Variants in LRRC28 observed in about 807,000 individuals in gnomAD.
LRRC28 encodes leucine-rich repeat-containing protein 28.
Under a neutral mutation model 45.7 loss-of-function variants are expected in LRRC28, and 39 were observed. That is an observed-to-expected ratio of 0.85 (90% CI 0.66 to 1.12). LRRC28 has a LOEUF of 1.12. Ranked by LOEUF, LRRC28 falls within the 50% of genes most tolerant of loss-of-function variation. The pLI is 0.00. For synonymous variants in LRRC28, 206 were observed against 178.8 expected, an observed-to-expected ratio of 1.15 and a Z score of -1.22; for missense variants, 435 against 438.5, an observed-to-expected ratio of 0.99 and a Z score of 0.07.
rs537643362 is a variant in LRRC28, at chr15:99,388,800, G to C, written c.*2698G>C. 3.3e-5 allele frequency: 5 copies of C among 152,286 alleles called. No homozygotes were observed. In the South Asian group the frequency reaches 1.0e-3, roughly 32 times the overall value. 9.4% of individuals were successfully genotyped at this position (152,286 alleles called of 1,614,324 possible). On this transcript the variant is annotated 3_prime_UTR_variant, in exon 10 of 10. Transcript: ENST00000301981. ...ACTTGGAAAGTATCATCTCTGTTCA[G>C]GTAAGTTTACTTCAGTGAACTCTTG...
chr15:99,312,242 C>T (rs1218570205), intron 5 of LRRC28, among the ~76,000 whole-genome samples: 1 of 152,158 alleles, frequency 6.6e-6, no homozygotes, highest in Non-Finnish European at 1.5e-5. Context: ...TAACTTATTG[C>T]TCCTAGGCTA....
chr15:99,309,699 G>A (rs565781038), intron 5 of LRRC28, among the ~76,000 whole-genome samples: 22 of 152,272 alleles, frequency 1.4e-4, no homozygotes, highest in African/African-American at 3.9e-4. Context: ...GAACCACCAC[G>A]CCCACTGGGA....
chr15:99,251,723 C>T (rs1279977350), intron 1 of LRRC28, 182 bp downstream of exon 1: 1 of 152,230 alleles, frequency 6.6e-6, no homozygotes, highest in African/African-American at 2.4e-5. Flanking sequence ...CTCTGCGGCC[C>T]GCGGCCCCTG....
At chr15:99,253,570 G>C (rs987435703) in intron 1 of LRRC28, among the ~76,000 whole-genome samples, 1 of 152,240 alleles carries the variant, frequency 6.6e-6, no homozygotes, top group Non-Finnish European at 1.5e-5. Context: ...AGAGTTGCTG[G>C]AGAAGTGGGT....
At chr15:99,345,702 A>T (rs979510641) in intron 6 of LRRC28, among the ~76,000 whole-genome samples, 3 of 152,228 alleles carry the variant, frequency 2.0e-5, no homozygotes, top group African/African-American at 7.2e-5. Context: ...ATGTCCATGC[A>T]TGTTTACTTA....
chr15:99,259,919 GAAGACAAAGAGC>G, intron 2 of LRRC28: 1 of 701,636 alleles, frequency 1.4e-6, no homozygotes. Context: ...GGAGACAGCA[GAAGACAAAGAGC>G]AAGACAAAGA....
intron 5 of LRRC28, among the ~76,000 whole-genome samples, chr15:99,323,869 T>G (rs1451951504): frequency 6.6e-6 from 1 of 152,190 alleles, no homozygotes; most frequent in African/African-American, 2.4e-5. Context: ...ATCTAAATAG[T>G]TGAGTAAATA....
At chr15:99,366,592 C>T (rs1459872122) in intron 9 of LRRC28, among the ~76,000 whole-genome samples, 1 of 152,090 alleles carries the variant, frequency 6.6e-6, no homozygotes, top group Non-Finnish European at 1.5e-5. Context: ...TGCAGGCAAC[C>T]AACTTCTCAT....
In LRRC28 at chr15:99,358,182, G is replaced by A. The variant is rs114565067; in HGVS notation, c.696-3154G>A. ...CTTCGTAAATTAGAAATCAAAGTTA[G>A]GGGGAAAATGTCATTTATCTTTGTA... On this transcript the variant is annotated intron_variant, in intron 7 of 9. Coordinates refer to ENST00000301981, the MANE Select transcript of LRRC28 (RefSeq NM_144598.5). Among the ~76,000 whole-genome samples, 366 of 152,168 alleles carry A rather than the reference G, an allele frequency of 2.4e-3. 5 individuals are homozygous for A. The highest frequency in any genetic ancestry group is 8.1e-3 in the African/African-American group (336 of 41,514).
chr15:99,386,216 G>T lies in LRRC28; in HGVS notation c.*114G>T, dbSNP rs1957986013. On this transcript the variant is annotated 3_prime_UTR_variant, in exon 10 of 10. Transcript: ENST00000301981. ...TGCGGGGGCACTGCAGAACTCTCTA[G>T]AAATGTCATGATTGAGCTTCAGAGC... 2.5e-6 allele frequency: 2 copies of T among 804,658 alleles called. No homozygotes were observed. Among genetic ancestry groups the T allele is most frequent in the South Asian group, 3.3e-5 (2 of 60,422 alleles). 49.8% of individuals were successfully genotyped at this position (804,658 alleles called of 1,614,324 possible).
chr15:99,340,693 A>C (rs900110023), intron 6 of LRRC28, among the ~76,000 whole-genome samples: 1 of 152,230 alleles, frequency 6.6e-6, no homozygotes, highest in African/African-American at 2.4e-5. Flanking sequence ...TAGTATGGAC[A>C]AAAAGTCCGA....
chr15:99,373,768 G>T (rs1047823503), intron 9 of LRRC28, among the ~76,000 whole-genome samples: 1 of 151,994 alleles, frequency 6.6e-6, no homozygotes, highest in Admixed American at 6.6e-5. Flanking sequence ...TTGCCTTTTC[G>T]CTTTCCTAAA....
At chr15:99,374,691 T>C (rs889525738) in intron 9 of LRRC28, among the ~76,000 whole-genome samples, 8 of 152,114 alleles carry the variant, frequency 5.3e-5, no homozygotes, top group Non-Finnish European at 7.4e-5. Context: ...TTTTTTTTTT[T>C]TGAGATGGAG....
chr15:99,312,570 T>C (rs762089325), intron 5 of LRRC28, among the ~76,000 whole-genome samples: 21 of 152,202 alleles, frequency 1.4e-4, no homozygotes, highest in Non-Finnish European at 2.6e-4. Flanking sequence ...AAAAGTATAG[T>C]CTAATTAATA....
chr15:99,329,057 A>G (rs1215270514), intron 5 of LRRC28, among the ~76,000 whole-genome samples: 1 of 152,102 alleles, frequency 6.6e-6, no homozygotes, highest in Admixed American at 6.5e-5. Context: ...GAAAAACTCT[A>G]ATACAGATTT....
At position 99,293,593 on chromosome 15, in the gene LRRC28, CAAAAAAAAAAAAAAAAAAAAAAAAA is replaced by C. The variant is rs57442636; in HGVS notation, c.385+5658_385+5682del. On this transcript the variant is annotated intron_variant, in intron 5 of 9. Transcript: ENST00000301981. ...GGGCAACAAGAACGAAACTCTGTCA[CAAAAAAAAAAAAAAAAAAAAAAAAA>C]AAAAAAAAAAAAAAACCTAAACAAT... is the stretch of plus-strand genomic sequence containing the variant. Among the ~76,000 whole-genome samples the C allele has an allele frequency of 3.4e-4, 15 of 44,066 alleles. 1 individual carries two copies. The highest frequency in any genetic ancestry group is 1.0e-3 in the African/African-American group (13 of 12,860). 28.9% of individuals were successfully genotyped at this position (44,066 alleles called of 152,430 possible).
intron 1 of LRRC28, among the ~76,000 whole-genome samples, chr15:99,255,184 C>G (rs1597137589): frequency 6.6e-6 from 1 of 151,576 alleles, no homozygotes; most frequent in African/African-American, 2.4e-5. Context: ...CAGTGAGACC[C>G]CCATCTCTAC....
At chr15:99,282,322 A>C (rs868308516) in intron 3 of LRRC28, among the ~76,000 whole-genome samples, 6 of 152,102 alleles carry the variant, frequency 3.9e-5, no homozygotes, top group Middle Eastern at 6.8e-3. Flanking sequence ...CCTGTTCTAC[A>C]GTCCAGAATT....
At chr15:99,272,623 G>A (rs920569592) in intron 2 of LRRC28, among the ~76,000 whole-genome samples, 5 of 152,044 alleles carry the variant, frequency 3.3e-5, no homozygotes, top group Admixed American at 3.3e-4. Context: ...CAGAATTTGG[G>A]GTAAGTTTTA....
Sources: allele counts gnomAD v4.1 joint callset (sites outside exome capture counted in the v4.1 genomes callset), GRCh38; gene constraint gnomAD v4.1.1; transcripts MANE v1.5; gene names NCBI Gene and HGNC (gene_info 2026-07-23, HGNC 2026-07-21).